ADGRG3: variants seen among roughly 807,000 people sequenced by gnomAD.
The protein encoded by ADGRG3 is adhesion G protein-coupled receptor G3, also known as G protein-coupled receptor 97.
Under a neutral mutation model 54.3 loss-of-function variants are expected in ADGRG3, and 39 were observed. The ratio of observed to expected loss-of-function variants is 0.72; its 90% confidence interval spans 0.56 to 0.94. The LOEUF (loss-of-function observed/expected upper bound fraction) is 0.94, where lower values mean the gene tolerates loss of function less well. Ranked by LOEUF, ADGRG3 falls within the 40% of genes least tolerant of loss-of-function variation. The pLI, the probability that ADGRG3 is intolerant of heterozygous loss-of-function variation, is 0.00. For synonymous variants in ADGRG3, 312 were observed against 290.0 expected (o/e 1.08, Z -0.77); for missense variants, 654 against 694.6 (o/e 0.94, Z 0.66).
intron 11 of ADGRG3, among the ~76,000 whole-genome samples, 184 bp from the exon 12 acceptor site, chr16:57,688,168 A>T (rs1346039754): frequency 1.3e-5 from 2 of 151,980 alleles, no homozygotes; most frequent in Admixed American, 1.3e-4. Context: ...CATTTCCAAG[A>T]TTTCGATTTG....
intron 10 of ADGRG3, 105 bp downstream of exon 10, chr16:57,684,588 A>G: frequency 1.3e-6 from 1 of 754,078 alleles, no homozygotes; most frequent in Non-Finnish European, 2.2e-6. Flanking sequence ...AATCTAGACC[A>G]AATATGTCAA....
chr16:57,683,020 C>A (rs370607695), intron 8 of ADGRG3, among the ~76,000 whole-genome samples: 1 of 152,194 alleles, frequency 6.6e-6, no homozygotes, highest in East Asian at 1.9e-4. Flanking sequence ...TCAGCTCAGG[C>A]TAAGGGGCAT....
chr16:57,675,079 CA>C (rs372902215), intron 2 of ADGRG3, among the ~76,000 whole-genome samples: 47 of 138,558 alleles, frequency 3.4e-4, no homozygotes, highest in East Asian at 4.1e-4. Flanking sequence ...TCACAGTAGC[CA>C]AAAAAAAAAG....
rs199608111 is a variant in ADGRG3 at position 57,687,515 on chromosome 16, G to GTGCTGGGA, written c.1541-835_1541-828dup. On this transcript the variant is annotated intron_variant, in intron 11 of 11. Coordinates refer to ENST00000333493, the MANE Select transcript of ADGRG3 (RefSeq NM_170776.5). Reference sequence around the variant, plus strand: ...GATCTACCTGCCTCAGCCTCCGAAAGTGCTGGGATTACAGGCGTGAGCCAC... The same window carrying GTGCTGGGA: ...GATCTACCTGCCTCAGCCTCCGAAAGTGCTGGGATGCTGGGATTACAGGCGTGAGCCAC... 3.6e-3 allele frequency among the ~76,000 whole-genome samples: 546 copies of GTGCTGGGA among 152,328 alleles called. 15 individuals are homozygous for GTGCTGGGA. The highest frequency in any genetic ancestry group is 0.033 in the Admixed American group (511 of 15,296).
rs1182447128 is a variant in ADGRG3, at chr16:57,678,308, C to G, written c.484C>G (p.Leu162Val). Residue 162 changes from leucine to valine, a missense_variant, in exon 4 of 12, where the codon CTC becomes GTC. Physicochemically the swap from Leu to Val is conservative, Grantham distance 32. Coordinates refer to ENST00000333493, the MANE Select transcript of ADGRG3 (RefSeq NM_170776.5). ...CATTCTGGACATTGGTCCAGGGACT[C>G]TCTTCAAGGTGAGGACTCAGGGAAG... Reference protein sequence around the residue: ...VTILDIGPGTLFKGPRLGLGD... With the variant: ...VTILDIGPGTVFKGPRLGLGD... 5 of 1,614,192 alleles carry G rather than the reference C, an allele frequency of 3.1e-6. No homozygotes were observed. Among genetic ancestry groups the G allele is most frequent in the Non-Finnish European group, 4.2e-6 (5 of 1,180,006 alleles).
At chr16:57,672,672 G>A (rs1180630708) in intron 1 of ADGRG3, among the ~76,000 whole-genome samples, 3 of 152,122 alleles carry the variant, frequency 2.0e-5, no homozygotes, top group African/African-American at 7.2e-5. Context: ...AAAGGGAACC[G>A]AACTAAAAGT....
chr16:57,685,988 G>C (rs1184357762), intron 11 of ADGRG3, 62 bp downstream of exon 11: 2 of 1,530,934 alleles, frequency 1.3e-6, no homozygotes, highest in Admixed American at 3.4e-5. Context: ...GTATTGGGAG[G>C]TGGGGAAGAG....
chr16:57,685,206 T>C (rs1331060291), intron 10 of ADGRG3, among the ~76,000 whole-genome samples: 1 of 152,146 alleles, frequency 6.6e-6, no homozygotes, highest in East Asian at 1.9e-4. Flanking sequence ...CCCCAGGAGC[T>C]GGAGGGGTCA....
chr16:57,680,599 T>C lies in ADGRG3; in HGVS notation c.863T>C (p.Ile288Thr), dbSNP rs985325855. Reference sequence around the variant, plus strand: ...ATGATCTTCCTGGCCTTCACCATTATTCTTTATGCCTTTCTGAGGTGAGTG... The same window carrying C: ...ATGATCTTCCTGGCCTTCACCATTACTCTTTATGCCTTTCTGAGGTGAGTG... Reference protein sequence around the residue: ...VSMIFLAFTIILYAFLRLSRE... With the variant: ...VSMIFLAFTITLYAFLRLSRE... The change falls in exon 8 of 12, where the codon ATT (isoleucine) becomes ACT (threonine). Residue 288 changes from isoleucine to threonine, a missense_variant. Physicochemically the swap from Ile to Thr is moderately conservative, Grantham distance 89. Transcript: ENST00000333493. 1 of 1,612,462 alleles carries C rather than the reference T, an allele frequency of 6.2e-7. No individual in the cohort carries two copies.
chr16:57,680,745 C>G, intron 8 of ADGRG3, 128 bp downstream of exon 8: 1 of 663,454 alleles, frequency 1.5e-6, no homozygotes, highest in Non-Finnish European at 2.7e-6. Context: ...TGTCCTCATC[C>G]CAAAATGGGG....
At chr16:57,675,923 T>C (rs1233910855) in intron 2 of ADGRG3, among the ~76,000 whole-genome samples, 1 of 152,182 alleles carries the variant, frequency 6.6e-6, no homozygotes, top group East Asian at 1.9e-4. Context: ...TGCCATTGAA[T>C]TGGACACTTT....
In ADGRG3 at chr16:57,685,634, C is replaced by T; in HGVS notation, c.1257-9C>T. On this transcript the variant is annotated splice_polypyrimidine_tract_variant and intron_variant, in intron 10 of 11. Coordinates refer to ENST00000333493, the MANE Select transcript of ADGRG3 (RefSeq NM_170776.5). ...CTCCCAGTCCCACCACAGCTGCCCC[C>T]TCCTCCAGATGCTGGTTCCGTGAAG... The T allele has an allele frequency of 1.2e-6, 2 of 1,613,142 alleles. No individual in the cohort carries two copies. The highest frequency in any genetic ancestry group is 3.3e-5 in the Admixed American group (2 of 60,004).
At chr16:57,666,209 C>A (rs563802796), upstream of ADGRG3, among the ~76,000 whole-genome samples, 4 of 152,244 alleles carry the variant, frequency 2.6e-5, no homozygotes, top group African/African-American at 9.6e-5. Context: ...GAGGCAACTC[C>A]CCCCATCTTC....
chr16:57,681,745 A>AT (rs564250996), intron 8 of ADGRG3, among the ~76,000 whole-genome samples: 6 of 128,536 alleles, frequency 4.7e-5, no homozygotes, highest in Non-Finnish European at 7.8e-5. Context: ...AAAAAAAAAA[A>AT]AGAGAGAGAG....
rs1422882401 is a variant in ADGRG3 at position 57,684,318 on chromosome 16, A to C, written c.1163-72A>C. On this transcript the variant is annotated intron_variant, in intron 9 of 11. Transcript: ENST00000333493. ...GGTTCCCAGAGCTGGAGGGATGGCCATCTGGAGGGGACGTGGAGGAGGAAG... is the reference window on the plus strand; with the variant it reads ...GGTTCCCAGAGCTGGAGGGATGGCCCTCTGGAGGGGACGTGGAGGAGGAAG... 4 of 1,562,698 alleles carry C rather than the reference A, an allele frequency of 2.6e-6. 1 individual carries two copies. The East Asian group carries it at 9.0e-5, about 35-fold the overall frequency.
chr16:57,671,183 A>G (rs1229051367), intron 1 of ADGRG3, among the ~76,000 whole-genome samples: 1 of 152,190 alleles, frequency 6.6e-6, no homozygotes, highest in Non-Finnish European at 1.5e-5. Flanking sequence ...AAAATCCAAA[A>G]GTTCAGTAAG....
At chr16:57,677,354 G>A (rs1431891684) in intron 3 of ADGRG3, among the ~76,000 whole-genome samples, 2 of 152,264 alleles carry the variant, frequency 1.3e-5, no homozygotes, top group East Asian at 1.9e-4. Context: ...AGGCCAAGGC[G>A]GACGGATCAT....
chr16:57,678,474 C>A, intron 4 of ADGRG3, 158 bp downstream of exon 4: 2 of 655,412 alleles, frequency 3.1e-6, no homozygotes, highest in South Asian at 3.7e-5. Context: ...ATCTCAGACA[C>A]CTGTCACTAG....
chr16:57,671,501 C>T (rs563310873), intron 1 of ADGRG3, among the ~76,000 whole-genome samples: 13 of 152,076 alleles, frequency 8.5e-5, no homozygotes, highest in South Asian at 2.1e-4. Flanking sequence ...CCACCACGTC[C>T]GGCTAATTTT....
Sources: gnomAD v4.1 joint callset for allele counts (sites outside exome capture counted in the v4.1 genomes callset) on GRCh38, gnomAD v4.1.1 for gene constraint, MANE v1.5 for transcripts, NCBI Gene and HGNC (gene_info 2026-07-23, HGNC 2026-07-21) for gene names.